ADGRL2: variants seen among roughly 807,000 people sequenced by gnomAD.
ADGRL2 encodes the protein calcium-independent alpha-latrotoxin receptor 2.
A neutral mutation model predicts 157.4 loss-of-function variants in ADGRL2; 44 were observed. The ratio of observed to expected loss-of-function variants is 0.28; its 90% CI spans 0.22 to 0.36. The LOEUF (loss-of-function observed/expected upper bound fraction) is 0.36, where lower values mean the gene tolerates loss of function less well. ADGRL2 is among the 10% of genes least tolerant of loss of function. The pLI is 1.00. For missense variants in ADGRL2, 1,510 were observed against 1,768.9 expected (o/e 0.85, Z 2.63); for synonymous variants, 585 against 624.7 (o/e 0.94, Z 0.95).
At chr1:81,971,442 A>G (rs1658716544) in intron 16 of ADGRL2, among the ~76,000 whole-genome samples, 2 of 152,270 alleles carry the variant, frequency 1.3e-5, no homozygotes, top group South Asian at 2.1e-4. Flanking sequence ...GTTAGGTTCC[A>G]TAGGGTTAAG....
intron 2 of ADGRL2, among the ~76,000 whole-genome samples, chr1:81,899,122 C>T (rs940855837): frequency 5.9e-5 from 9 of 152,048 alleles, no homozygotes; most frequent in Admixed American, 3.9e-4. Context: ...TATAGTACAG[C>T]GTAGTAAGAA....
intron 1 of ADGRL2, among the ~76,000 whole-genome samples, chr1:81,802,949 G>A (rs2088500715): frequency 2.6e-5 from 4 of 152,216 alleles, no homozygotes; most frequent in Middle Eastern, 3.4e-3. Flanking sequence ...CTGCTGCCAG[G>A]GCGGCCTCGT....
At chr1:81,824,152 A>G (rs1159041609) in intron 1 of ADGRL2, among the ~76,000 whole-genome samples, 1 of 152,208 alleles carries the variant, frequency 6.6e-6, no homozygotes, top group Non-Finnish European at 1.5e-5. Context: ...TCATTGTATT[A>G]CTTGCAGTTT....
chr1:81,925,488 A>G (rs2095082446), intron 3 of ADGRL2, among the ~76,000 whole-genome samples: 1 of 151,868 alleles, frequency 6.6e-6, no homozygotes, highest in African/African-American at 2.4e-5. Flanking sequence ...ACAGTATGTG[A>G]ACATGAAAGT....
At chr1:81,331,972 C>A (rs117826879) in intron 1 of ADGRL2, among the ~76,000 whole-genome samples, 2 of 151,934 alleles carry the variant, frequency 1.3e-5, no homozygotes, top group Non-Finnish European at 1.5e-5. Flanking sequence ...TATCTGTTGA[C>A]CTAGGGGACA....
At position 81,946,205 on chromosome 1, in the gene ADGRL2, CG is replaced by C. The variant is rs1478533904; in HGVS notation, c.1210+2437del. On this transcript the variant is annotated intron_variant, in intron 6 of 23. Coordinates refer to ENST00000686636, the MANE Select transcript of ADGRL2 (RefSeq NM_001366006.2). ...AAATTGTGCTATAAAATTATCCATT[CG>C]TTTTTTTTCATTATCTATGTCATTT... Among the ~76,000 whole-genome samples the C allele has an allele frequency of 1.1e-4, 16 of 151,996 alleles. No individual in the cohort carries two copies. In the East Asian group the frequency reaches 2.3e-3, roughly 22 times the overall value.
chr1:81,663,497 G>A (rs980070492), intron 3 of ADGRL2, among the ~76,000 whole-genome samples: 4 of 152,190 alleles, frequency 2.6e-5, no homozygotes, highest in African/African-American at 9.7e-5. Flanking sequence ...CTTTTCTCCT[G>A]TTAGTCTTCC....
At chr1:81,851,740 G>GTGTGTA (rs1306242653) in intron 2 of ADGRL2, among the ~76,000 whole-genome samples, 6 of 149,210 alleles carry the variant, frequency 4.0e-5, no homozygotes, top group South Asian at 2.1e-4. Flanking sequence ...AAATTTGTGT[G>GTGTGTA]TGTGTGTGTG....
At chr1:81,841,259 G>T (rs2092566536) in intron 2 of ADGRL2, among the ~76,000 whole-genome samples, 1 of 152,028 alleles carries the variant, frequency 6.6e-6, no homozygotes, top group South Asian at 2.1e-4. Context: ...ACAGCTTTAT[G>T]TATTTATTTT....
At chr1:81,639,439 C>T (rs1047072151) in intron 3 of ADGRL2, among the ~76,000 whole-genome samples, 6 of 147,516 alleles carry the variant, frequency 4.1e-5, no homozygotes, top group Admixed American at 7.0e-5. Context: ...CACAGTGGCT[C>T]ATGCCCATAA....
chr1:81,966,267 A>G (rs950184890), intron 12 of ADGRL2, 84 bp downstream of exon 12: 10 of 1,573,728 alleles, frequency 6.4e-6, no homozygotes, highest in Non-Finnish European at 8.7e-6. Flanking sequence ...GAGTCCTTAT[A>G]TAACAAAAAA....
At chr1:81,821,883 C>T (rs1004632912) in intron 1 of ADGRL2, among the ~76,000 whole-genome samples, 4 of 151,928 alleles carry the variant, frequency 2.6e-5, no homozygotes, top group South Asian at 2.1e-4. Flanking sequence ...TTTGTAAAGT[C>T]CATTAAGTTG....
In ADGRL2 at chr1:81,384,860, T is replaced by G. The variant is rs186592783; in HGVS notation, c.-301-60176T>G. On this transcript the variant is annotated intron_variant, in intron 1 of 24. Transcript: ENST00000370721. ...CAGCCAAGTTATCAATTTTATCCAC[T>G]CACTTTAAGTACAGAAGGTTTTAAA... 1.8e-3 allele frequency among the ~76,000 whole-genome samples: 274 copies of G among 152,308 alleles called. 1 individual carries two copies. Among genetic ancestry groups the G allele is most frequent in the Non-Finnish European group, 3.2e-3 (219 of 68,004 alleles).
At chr1:81,450,408 G>A (rs924110827) in intron 2 of ADGRL2, among the ~76,000 whole-genome samples, 1 of 152,070 alleles carries the variant, frequency 6.6e-6, no homozygotes, top group African/African-American at 2.4e-5. Context: ...TTCTCACAAA[G>A]TTCATATTAG....
At chr1:81,676,764 G>A (rs1332905632) in intron 3 of ADGRL2, among the ~76,000 whole-genome samples, 1 of 151,634 alleles carries the variant, frequency 6.6e-6, no homozygotes, top group African/African-American at 2.4e-5. Flanking sequence ...TCAGCTCACT[G>A]CAAACTCCAC....
chr1:81,516,729 G>C (rs2079186282), intron 2 of ADGRL2, among the ~76,000 whole-genome samples: 1 of 152,212 alleles, frequency 6.6e-6, no homozygotes, highest in East Asian at 1.9e-4. Flanking sequence ...TCTATCCCTA[G>C]TTAGGAGATG....
intron 1 of ADGRL2, among the ~76,000 whole-genome samples, chr1:81,331,711 T>C (rs1025151828): frequency 6.6e-6 from 1 of 152,170 alleles, no homozygotes; most frequent in Non-Finnish European, 1.5e-5. Context: ...ATAGCTACCA[T>C]GTTAGCAGTG....
chr1:81,868,788 T>C (rs1557810178), intron 2 of ADGRL2, among the ~76,000 whole-genome samples: 1 of 151,746 alleles, frequency 6.6e-6, no homozygotes, highest in Non-Finnish European at 1.5e-5. Flanking sequence ...TACATCTTTT[T>C]TGGGGGGAAA....
chr1:81,471,942 C>T (rs1404471699), intron 2 of ADGRL2, among the ~76,000 whole-genome samples: 1 of 152,128 alleles, frequency 6.6e-6, no homozygotes, highest in African/African-American at 2.4e-5. Context: ...TAAAATGTTA[C>T]CAAAAATCAG....
Sources: gnomAD v4.1 joint callset for allele counts (sites outside exome capture counted in the v4.1 genomes callset) on GRCh38, gnomAD v4.1.1 for gene constraint, MANE v1.5 for transcripts, NCBI Gene and HGNC (gene_info 2026-07-23, HGNC 2026-07-21) for gene names.